TBCK: variants seen among roughly 807,000 people sequenced by gnomAD.
The protein encoded by TBCK is TBC domain-containing protein kinase-like protein.
Under a neutral mutation model 113.4 loss-of-function variants are expected in TBCK, and 99 were observed. The observed-to-expected ratio is 0.87, with a 90% confidence interval of 0.74 to 1.03. TBCK has a LOEUF of 1.03. Ranked by LOEUF, TBCK falls within the 50% of genes least tolerant of loss-of-function variation. The pLI, the probability that TBCK is intolerant of heterozygous loss-of-function variation, is 0.00. For missense variants in TBCK, 1,045 were observed against 1,061.3 expected (o/e 0.98, Z 0.21); for synonymous variants, 369 against 370.8 (o/e 1.00, Z 0.05).
At chr4:106,215,435 G>C (rs1356574145) in intron 19 of TBCK, among the ~76,000 whole-genome samples, 1 of 152,120 alleles carries the variant, frequency 6.6e-6, no homozygotes, top group Admixed American at 6.6e-5. Context: ...TGGATAAAGA[G>C]TCAAGACCCA....
intron 15 of TBCK, among the ~76,000 whole-genome samples, chr4:106,233,913 G>C (rs952817170): frequency 4.6e-5 from 7 of 151,958 alleles, no homozygotes; most frequent in African/African-American, 1.7e-4. Context: ...AAATGTCATG[G>C]ATTAATTACT....
At chr4:106,130,808 A>T (rs1745809852) in intron 23 of TBCK, among the ~76,000 whole-genome samples, 1 of 152,228 alleles carries the variant, frequency 6.6e-6, no homozygotes, top group African/African-American at 2.4e-5. Flanking sequence ...TAAATACTTC[A>T]TAACTATGAA....
intron 22 of TBCK, among the ~76,000 whole-genome samples, chr4:106,192,008 G>A (rs748696245): frequency 4.6e-5 from 7 of 152,010 alleles, no homozygotes; most frequent in African/African-American, 7.2e-5. Context: ...TGAATTAATC[G>A]AGAAACTTTA....
chr4:106,169,807 C>T (rs147219561), intron 23 of TBCK, among the ~76,000 whole-genome samples: 19 of 152,132 alleles, frequency 1.2e-4, no homozygotes, highest in South Asian at 6.2e-4. Context: ...CTTAATGGTC[C>T]CATCTGGGGA....
intron 23 of TBCK, among the ~76,000 whole-genome samples, chr4:106,168,388 T>C (rs1750632155): frequency 1.3e-5 from 2 of 151,842 alleles, no homozygotes; most frequent in Non-Finnish European, 2.9e-5. Context: ...GCTCACACAA[T>C]ACTTTCTGGT....
intron 11 of TBCK, among the ~76,000 whole-genome samples, chr4:106,243,625 G>A (rs2150036947): frequency 6.6e-6 from 1 of 152,114 alleles, no homozygotes; most frequent in African/African-American, 2.4e-5. Flanking sequence ...AGAAAAAAAT[G>A]ATGAGCAGAT....
chr4:106,292,281 T>C (rs1449728981), intron 3 of TBCK, among the ~76,000 whole-genome samples: 1 of 152,126 alleles, frequency 6.6e-6, no homozygotes, highest in African/African-American at 2.4e-5. Context: ...CATTAAAGTA[T>C]ATGCCCTTGG....
chr4:106,312,008 C>T (rs573138830), intron 1 of TBCK, among the ~76,000 whole-genome samples: 2 of 152,072 alleles, frequency 1.3e-5, no homozygotes, highest in Admixed American at 6.5e-5. Context: ...CAACCTTAGG[C>T]TAGGCAAAGA....
Position 106,077,267 on chromosome 4 carries a change from T to A in TBCK, c.2571+18215A>T, listed in dbSNP as rs575507003. ...ACTATAATGCAACTATACAATTAAGTCTACATAACAACCAGCTAAAAGCGT... is the reference window on the plus strand; with the variant it reads ...ACTATAATGCAACTATACAATTAAGACTACATAACAACCAGCTAAAAGCGT... On this transcript the variant is annotated intron_variant, in intron 25 of 25. Transcript: ENST00000394708. 2.0e-5 allele frequency among the ~76,000 whole-genome samples: 3 copies of A among 152,284 alleles called. No homozygotes were observed. In the South Asian group the frequency reaches 6.2e-4, roughly 32 times the overall value.
chr4:106,206,181 C>T (rs1272519530), intron 20 of TBCK, among the ~76,000 whole-genome samples: 1 of 152,198 alleles, frequency 6.6e-6, no homozygotes, highest in Non-Finnish European at 1.5e-5. Context: ...TTATGCCATA[C>T]TTCCTTTCAC....
At position 106,166,612 on chromosome 4, in the gene TBCK, C is replaced by T. The variant is rs553355930; in HGVS notation, c.2235+4483G>A. Among the ~76,000 whole-genome samples, 163 of 151,628 alleles carry T rather than the reference C, an allele frequency of 1.1e-3. 1 individual carries two copies. Among genetic ancestry groups the T allele is most frequent in the Middle Eastern group, 3.4e-3 (1 of 294 alleles). On this transcript the variant is annotated intron_variant, in intron 23 of 25. Transcript: ENST00000394708. ...AGGTAATATAATCTTAAGACCAAAG[C>T]CTGACAAGGACAAAAAGCAAAAGAA...
chr4:106,064,771 C>A (rs1373415002), intron 25 of TBCK, among the ~76,000 whole-genome samples: 1 of 151,944 alleles, frequency 6.6e-6, no homozygotes, highest in Non-Finnish European at 1.5e-5. Context: ...TATAAAAACA[C>A]TAATTGGAGC....
At chr4:106,213,899 T>C (rs1008405316) in intron 19 of TBCK, 1 of 153,282 alleles carries the variant, frequency 6.5e-6, no homozygotes, top group Non-Finnish European at 1.5e-5. Flanking sequence ...CTCTGTAGGC[T>C]CCACCTCTGG....
intron 3 of TBCK, among the ~76,000 whole-genome samples, chr4:106,288,003 T>C (rs1478769399): frequency 6.7e-6 from 1 of 150,088 alleles, no homozygotes; most frequent in Non-Finnish European, 1.5e-5. Flanking sequence ...AACCAAAAAA[T>C]TAAAAAAGTC....
At chr4:106,125,958 T>G (rs964983721) in intron 23 of TBCK, among the ~76,000 whole-genome samples, 4 of 152,238 alleles carry the variant, frequency 2.6e-5, no homozygotes, top group East Asian at 3.8e-4. Context: ...ATATAAAGTA[T>G]TTAGAATGGC....
intron 5 of TBCK, among the ~76,000 whole-genome samples, chr4:106,258,043 G>A (rs991374183): frequency 6.6e-6 from 1 of 152,014 alleles, no homozygotes; most frequent in African/African-American, 2.4e-5. Flanking sequence ...TGACAGGACA[G>A]AGATAAACTT....
At chr4:106,064,285 G>A (rs2149465442) in intron 25 of TBCK, among the ~76,000 whole-genome samples, 1 of 152,006 alleles carries the variant, frequency 6.6e-6, no homozygotes, top group South Asian at 2.1e-4. Flanking sequence ...CATGCCACAT[G>A]TAGAAAGTAT....
chr4:106,307,984 C>T (rs1359589750), intron 2 of TBCK, among the ~76,000 whole-genome samples: 1 of 151,996 alleles, frequency 6.6e-6, no homozygotes, highest in East Asian at 1.9e-4. Flanking sequence ...TCTACTGACT[C>T]CCTTTTCATT....
intron 8 of TBCK, 96 bp downstream of exon 8, chr4:106,248,825 C>T: frequency 1.0e-6 from 1 of 983,228 alleles, no homozygotes; most frequent in Non-Finnish European, 1.5e-6. Context: ...GTTTCAATAA[C>T]TGTGGAAAAA....
Sources: gnomAD v4.1 joint callset for allele counts (sites outside exome capture counted in the v4.1 genomes callset) on GRCh38, gnomAD v4.1.1 for gene constraint, MANE v1.5 for transcripts, NCBI Gene and HGNC (gene_info 2026-07-23, HGNC 2026-07-21) for gene names.